QTMAN: variants seen among roughly 807,000 people sequenced by gnomAD.
The protein encoded by QTMAN is queuosine-tRNA mannosyltransferase.
At chr2:144,015,293 T>C in the QTMAN span, among the ~76,000 whole-genome samples, 1 of 152,200 alleles carries the variant, frequency 6.6e-6, no homozygotes, top group Non-Finnish European at 1.5e-5. Context: ...AGGTTTACTC[T>C]AGTAATTCAA....
chr2:144,051,825 G>A, the QTMAN span, among the ~76,000 whole-genome samples: 7 of 152,260 alleles, frequency 4.6e-5, no homozygotes, highest in South Asian at 2.1e-4. Flanking sequence ...AAGAAAAGGC[G>A]GAGGGGCAGT....
chr2:144,096,972 T>C, the QTMAN span, among the ~76,000 whole-genome samples: 1 of 152,234 alleles, frequency 6.6e-6, no homozygotes, highest in Non-Finnish European at 1.5e-5. Context: ...GTTTTGTTCA[T>C]ACAGATACAT....
At chr2:144,251,148 T>C in the QTMAN span, among the ~76,000 whole-genome samples, 1 of 152,148 alleles carries the variant, frequency 6.6e-6, no homozygotes, top group Non-Finnish European at 1.5e-5. Flanking sequence ...TTCCGCTGCA[T>C]ACAAATTTTG....
the QTMAN span, among the ~76,000 whole-genome samples, chr2:144,058,481 G>A: frequency 3.3e-5 from 5 of 151,970 alleles, no homozygotes; most frequent in Admixed American, 6.5e-5. Context: ...ATATCACTAG[G>A]TCTATTAATA....
At chr2:144,247,650 T>G in the QTMAN span, among the ~76,000 whole-genome samples, 1 of 152,274 alleles carries the variant, frequency 6.6e-6, no homozygotes, top group African/African-American at 2.4e-5. Context: ...GATAAAAGGC[T>G]GCCTCTAGAG....
At chr2:144,165,479 G>A in the QTMAN span, among the ~76,000 whole-genome samples, 1 of 152,002 alleles carries the variant, frequency 6.6e-6, no homozygotes, top group African/African-American at 2.4e-5. Flanking sequence ...GTACATACTT[G>A]GCATATTCAC....
the QTMAN span, among the ~76,000 whole-genome samples, chr2:144,108,008 T>A: frequency 6.6e-6 from 1 of 152,106 alleles, no homozygotes; most frequent in Non-Finnish European, 1.5e-5. Context: ...ACAAACCACA[T>A]GATTATCTCA....
the QTMAN span, among the ~76,000 whole-genome samples, chr2:144,155,675 A>G: frequency 2.0e-5 from 3 of 152,152 alleles, no homozygotes; most frequent in African/African-American, 4.8e-5. Context: ...AATTATACAC[A>G]TTTAAGGACC....
At chr2:144,254,599 ACACAAAGTCCC>A in the QTMAN span, among the ~76,000 whole-genome samples, 1 of 152,202 alleles carries the variant, frequency 6.6e-6, no homozygotes, top group Admixed American at 6.5e-5. Context: ...TTGGAGGCCC[ACACAAAGTCCC>A]CACTGGGGCA....
chr2:143,982,835 C>A, the QTMAN span, among the ~76,000 whole-genome samples: 1 of 130,580 alleles, frequency 7.7e-6, no homozygotes, highest in East Asian at 2.2e-4. Flanking sequence ...GCCTGTGGGG[C>A]TGAGCAAGAC....
the QTMAN span, among the ~76,000 whole-genome samples, chr2:144,103,801 A>G: frequency 3.0e-4 from 46 of 152,310 alleles, no homozygotes; most frequent in Non-Finnish European, 6.3e-4. Context: ...TTAAAACTAC[A>G]TAATAGGGCC....
At chr2:143,939,523 G>A in the QTMAN span, 1 of 152,058 alleles carries the variant, frequency 6.6e-6, no homozygotes, top group African/African-American at 2.4e-5. Context: ...CCTATATCAT[G>A]GAATAAATGC....
At chr2:144,057,311 T>C in the QTMAN span, among the ~76,000 whole-genome samples, 1 of 152,224 alleles carries the variant, frequency 6.6e-6, no homozygotes, top group Non-Finnish European at 1.5e-5. Flanking sequence ...CATTTATTCA[T>C]CCATTATATG....
the QTMAN span, among the ~76,000 whole-genome samples, chr2:143,962,438 A>T: frequency 6.6e-6 from 1 of 151,980 alleles, no homozygotes; most frequent in Non-Finnish European, 1.5e-5. Context: ...ATTTTGAAGA[A>T]CCTCCCCCGC....
chr2:144,076,142 G>C, the QTMAN span, among the ~76,000 whole-genome samples: 2 of 152,190 alleles, frequency 1.3e-5, no homozygotes, highest in African/African-American at 2.4e-5. Context: ...AGCTACTTGG[G>C]AGGCTGAGGC....
chr2:144,268,563 G>A, the QTMAN span, among the ~76,000 whole-genome samples: 6 of 152,170 alleles, frequency 3.9e-5, no homozygotes, highest in African/African-American at 1.4e-4. Flanking sequence ...GGATCTGCTA[G>A]CACTTTGATC....
the QTMAN span, among the ~76,000 whole-genome samples, chr2:144,106,292 T>A: frequency 6.6e-6 from 1 of 152,170 alleles, no homozygotes. Context: ...AATGCTCCAA[T>A]TAAAAGACAC....
At chr2:144,288,061 G>C in the QTMAN span, among the ~76,000 whole-genome samples, 1 of 151,658 alleles carries the variant, frequency 6.6e-6, no homozygotes, top group African/African-American at 2.4e-5. Flanking sequence ...CACCATATTG[G>C]GGTTTCACTA....
the QTMAN span, among the ~76,000 whole-genome samples, chr2:144,016,538 T>C: frequency 1.8e-4 from 28 of 152,196 alleles, no homozygotes; most frequent in Non-Finnish European, 3.5e-4. Flanking sequence ...AGTGTTCTCA[T>C]TACCTTTGGA....
Sources: allele counts gnomAD v4.1 joint callset (sites outside exome capture counted in the v4.1 genomes callset), GRCh38; gene constraint gnomAD v4.1.1; transcripts MANE v1.5; gene names NCBI Gene and HGNC (gene_info 2026-07-23, HGNC 2026-07-21).